The following USP6NL variants were observed in gnomAD, a reference collection of about 807,000 sequenced individuals.
USP6NL encodes the protein USP6 N-terminal like.
A neutral mutation model predicts 61.9 loss-of-function variants in USP6NL; 26 were observed. The observed-to-expected ratio is 0.42, with a 90% CI of 0.31 to 0.58. The LOEUF (loss-of-function observed/expected upper bound fraction) is 0.58. Among genes scored for constraint, USP6NL ranks in the 20% least tolerant of loss-of-function variants. The pLI is 0.16. For missense variants in USP6NL, 1,114 were observed against 1,034.3 expected (o/e 1.08, Z -1.06); for synonymous variants, 432 against 390.1 (o/e 1.11, Z -1.27).
Position 11,540,980 on chromosome 10 carries a change from T to C in USP6NL, c.5-13413A>G, listed in dbSNP as rs528903853. ...AAGTGCTCATATCACACTAAAAGTG[T>C]CACTCATTCAATCATTTTTGTAAGG... On this transcript the variant is annotated intron_variant, in intron 2 of 14. Transcript: ENST00000609104. This position sits in a 1 kb window ranked among gnomAD's most constrained non-coding sequence, Gnocchi z 5.0. Among the ~76,000 whole-genome samples the C allele has an allele frequency of 6.6e-5, 10 of 151,008 alleles. No homozygotes were observed. The highest frequency in any genetic ancestry group is 4.2e-4 in the South Asian group (2 of 4,764).
intron 2 of USP6NL, among the ~76,000 whole-genome samples, chr10:11,552,039 G>C (rs900421873): frequency 6.6e-6 from 1 of 152,086 alleles, no homozygotes; most frequent in Non-Finnish European, 1.5e-5. Flanking sequence ...TATTAACAAG[G>C]AAGTCTGTTT....
chr10:11,500,747 T>A (rs916960047), intron 7 of USP6NL, among the ~76,000 whole-genome samples: 2 of 152,278 alleles, frequency 1.3e-5, no homozygotes, highest in Non-Finnish European at 2.9e-5. Context: ...ATACCACAAA[T>A]CTCTCCATTA....
chr10:11,545,649 CA>C (rs1177051149), intron 2 of USP6NL, among the ~76,000 whole-genome samples: 1 of 151,516 alleles, frequency 6.6e-6, no homozygotes, highest in Non-Finnish European at 1.5e-5. Context: ...ATACAAGTAA[CA>C]AAAATTTACA....
chr10:11,493,822 T>C (rs866220434), intron 7 of USP6NL, among the ~76,000 whole-genome samples: 29 of 151,620 alleles, frequency 1.9e-4, no homozygotes, highest in African/African-American at 4.4e-4. Context: ...TGCTCCTGCC[T>C]GTACGGCCTG....
intron 6 of USP6NL, 27 bp downstream of exon 6, chr10:11,509,568 A>G (rs1413159349): frequency 1.3e-6 from 2 of 1,500,320 alleles, no homozygotes; most frequent in African/African-American, 2.8e-5. Flanking sequence ...ATATAGTTTC[A>G]TATGGAAAAA....
At chr10:11,610,831 T>G (rs528217685) in intron 1 of USP6NL, among the ~76,000 whole-genome samples, 3 of 152,180 alleles carry the variant, frequency 2.0e-5, no homozygotes, top group South Asian at 4.2e-4. Context: ...ACCCATGGAT[T>G]CCTACGCGTC....
chr10:11,502,946 T>C (rs1051861311), intron 6 of USP6NL, among the ~76,000 whole-genome samples: 4 of 152,210 alleles, frequency 2.6e-5, no homozygotes, highest in African/African-American at 9.6e-5. Context: ...ACCATAAAAC[T>C]AGACTCGCAA....
chr10:11,557,618 A>T (rs1464822926), intron 2 of USP6NL, among the ~76,000 whole-genome samples: 1 of 152,234 alleles, frequency 6.6e-6, no homozygotes, highest in Non-Finnish European at 1.5e-5. Flanking sequence ...AATTGGAGTT[A>T]GTGAGTGTAG....
chr10:11,603,671 T>C (rs1838623342), intron 1 of USP6NL, among the ~76,000 whole-genome samples: 1 of 152,222 alleles, frequency 6.6e-6, no homozygotes, highest in Non-Finnish European at 1.5e-5. Flanking sequence ...ATTTAATAGA[T>C]ATTAATTCAG....
chr10:11,575,978 CCTAA>C lies in USP6NL; in HGVS notation c.4+21649_4+21652del, dbSNP rs1259433887. Among the ~76,000 whole-genome samples, 1 of 151,984 alleles carries C rather than the reference CCTAA, an allele frequency of 6.6e-6. No individual in the cohort carries two copies. Among genetic ancestry groups the C allele is most frequent in the Non-Finnish European group, 1.5e-5 (1 of 68,020 alleles). On this transcript the variant is annotated intron_variant, in intron 2 of 14. Coordinates refer to ENST00000609104, the MANE Select transcript of USP6NL (RefSeq NM_014688.5). The surrounding 1 kb of genome is among the most constrained non-coding windows in gnomAD (Gnocchi z 4.2). ...AGTCTATAGATTCATCAGTTAATTT[CCTAA>C]CTATGACCACTGCACTGTAGTTATG...
intron 13 of USP6NL, among the ~76,000 whole-genome samples, chr10:11,483,651 G>GGGGCAGGGACT (rs1555161600): frequency 6.8e-5 from 1 of 14,788 alleles, no homozygotes; most frequent in Non-Finnish European, 1.2e-4. Context: ...GAGGGGGAGA[G>GGGGCAGGGACT]GGGGGAGAGG....
Position 11,532,314 on chromosome 10 carries a change from C to A in USP6NL, c.5-4747G>T. 1.2e-5 allele frequency: 14 copies of A among 1,180,184 alleles called. No homozygotes were observed. Among genetic ancestry groups the A allele is most frequent in the Non-Finnish European group, 1.7e-5 (14 of 846,388 alleles). The allele number at this position is 1,180,184 out of a possible 1,614,324, so 73.1% of individuals were successfully genotyped here. A position where few individuals can be genotyped will look rare whatever the true frequency, so the allele number is the denominator to read the frequency against. On this transcript the variant is annotated intron_variant, in intron 2 of 14. Transcript: ENST00000609104. This position sits in a 1 kb window ranked among gnomAD's most constrained non-coding sequence, Gnocchi z 4.1. ...AAGAGTGCTGCCCGGCGGTACCTCA[C>A]ACATTCTGCAACTAACTAAAACAAA...
At chr10:11,552,191 T>C (rs1224385413) in intron 2 of USP6NL, among the ~76,000 whole-genome samples, 9 of 152,140 alleles carry the variant, frequency 5.9e-5, no homozygotes, top group Admixed American at 5.2e-4. Context: ...AAAACAAAGG[T>C]TATATTCAGC....
At chr10:11,483,903 T>C (rs1833350165) in intron 13 of USP6NL, among the ~76,000 whole-genome samples, 1 of 152,150 alleles carries the variant, frequency 6.6e-6, no homozygotes, top group African/African-American at 2.4e-5. Flanking sequence ...ACAAAAGTGC[T>C]TTTAAAGGGC....
chr10:11,568,673 T>A (rs1416777183), intron 2 of USP6NL, among the ~76,000 whole-genome samples: 1 of 152,096 alleles, frequency 6.6e-6, no homozygotes, highest in African/African-American at 2.4e-5. Context: ...TAACTAGGGG[T>A]TGGTACAAAT....
Position 11,468,718 on chromosome 10 carries a change from TGTG to T in USP6NL, c.1079-4872_1079-4870del, listed in dbSNP as rs1396659379. Among the ~76,000 whole-genome samples, 3 of 152,254 alleles carry T rather than the reference TGTG, an allele frequency of 2.0e-5. No homozygotes were observed. Among genetic ancestry groups the T allele is most frequent in the African/African-American group, 7.2e-5 (3 of 41,462 alleles). On this transcript the variant is annotated intron_variant, in intron 14 of 14. Transcript: ENST00000609104. The surrounding 1 kb of genome is among the most constrained non-coding windows in gnomAD (Gnocchi z 4.5). The stretch of plus-strand genomic sequence containing the variant: ...GCCATGGCATGGTCTATTCCTATGT[TGTG>T]ATATTCACAGATTTTCATTCTGGAA...
Position 11,490,732 on chromosome 10 carries a change from C to T in USP6NL, c.543+100G>A, listed in dbSNP as rs780140681. On this transcript the variant is annotated intron_variant, in intron 9 of 14. Coordinates refer to ENST00000609104, the MANE Select transcript of USP6NL (RefSeq NM_014688.5). This position sits in a 1 kb window ranked among gnomAD's most constrained non-coding sequence, Gnocchi z 4.5. ...AGAGCTAAAGAGACCATGGAGACCA[C>T]CTAGCTCTGAGATGCAGAAATGTGC... 8.4e-7 allele frequency: 1 copy of T among 1,191,884 alleles called. No homozygotes were observed. The highest frequency in any genetic ancestry group is 1.2e-6 in the Non-Finnish European group (1 of 844,388). 73.8% of individuals were successfully genotyped at this position (1,191,884 alleles called of 1,614,324 possible). A position where few individuals can be genotyped will look rare whatever the true frequency, so the allele number is the denominator to read the frequency against.
intron 4 of USP6NL, among the ~76,000 whole-genome samples, chr10:11,524,925 T>C (rs751862001): frequency 5.2e-4 from 79 of 152,176 alleles, no homozygotes; most frequent in Non-Finnish European, 6.8e-4. Flanking sequence ...ATATTCAGGA[T>C]GAATGGAATT....
chr10:11,559,449 T>G (rs371702484), intron 2 of USP6NL, among the ~76,000 whole-genome samples: 1 of 152,252 alleles, frequency 6.6e-6, no homozygotes, highest in South Asian at 2.1e-4. Flanking sequence ...AATTTACACA[T>G]AGGGCATCCA....
Sources: allele counts gnomAD v4.1 joint callset (sites outside exome capture counted in the v4.1 genomes callset), GRCh38; gene constraint gnomAD v4.1.1; non-coding constraint Gnocchi (gnomAD v3.1); transcripts MANE v1.5; gene names NCBI Gene and HGNC (gene_info 2026-07-23, HGNC 2026-07-21).